ZNF233: variants seen among roughly 807,000 people sequenced by gnomAD.
ZNF233 encodes the protein zinc finger protein 233.
ZNF233 carries 7 observed loss-of-function variants against 11.6 expected under a neutral mutation model. The ratio of observed to expected loss-of-function variants is 0.60; its 90% CI spans 0.34 to 1.13. The LOEUF is 1.13. Among genes scored for constraint, ZNF233 ranks in the 50% most tolerant of loss-of-function variants. The pLI is 0.03. For synonymous variants in ZNF233, 226 were observed against 268.5 expected, an observed-to-expected ratio of 0.84 and a Z score of 1.55; for missense variants, 711 against 785.5, an observed-to-expected ratio of 0.91 and a Z score of 1.13.
Position 44,274,532 on chromosome 19 carries a change from G to T in ZNF233, c.1872G>T (p.Met624Ile), listed in dbSNP as rs780198618. Residue 624 changes from methionine (M) to isoleucine (I), a missense_variant, in exon 5 of 5, where the codon ATG (methionine) becomes ATT (isoleucine). Transcript: ENST00000683810. Reference sequence around the variant, plus strand: ...GAGAGAAACCCTATAAATGTGGCATGTGTGGTAAGAGCTTCAGTCAGACTT... The same window carrying T: ...GAGAGAAACCCTATAAATGTGGCATTTGTGGTAAGAGCTTCAGTCAGACTT... Reference protein sequence around the residue: ...HTGEKPYKCGMCGKSFSQTSH... With the variant: ...HTGEKPYKCGICGKSFSQTSH... The T allele has an allele frequency of 6.2e-7, 1 of 1,613,550 alleles. No homozygotes were observed. The highest frequency in any genetic ancestry group is 1.1e-5 in the South Asian group (1 of 90,964).
At position 44,264,313 on chromosome 19, in the gene ZNF233, G is replaced by C; in HGVS notation, c.-47-1G>C. 1 of 1,605,262 alleles carries C rather than the reference G, an allele frequency of 6.2e-7. No individual in the cohort carries two copies. Among genetic ancestry groups the C allele is most frequent in the Non-Finnish European group, 8.5e-7 (1 of 1,172,506 alleles). ...CTCATGGCTTCTTTCTCTTTTCCCA[G>C]TTCTGCCTTCCCAGGACCCTGCCCT... On this transcript the variant is annotated splice_acceptor_variant, in intron 1 of 4. Transcript: ENST00000683810. LOFTEE classifies it low-confidence loss of function (5UTR_SPLICE).
At position 44,266,188 on chromosome 19, in the gene ZNF233, G is replaced by C; in HGVS notation, c.16-10G>C. On this transcript the variant is annotated splice_polypyrimidine_tract_variant and intron_variant, in intron 2 of 4. Coordinates refer to ENST00000683810, the MANE Select transcript of ZNF233 (RefSeq NM_001207005.2). Reference sequence around the variant, plus strand: ...CATAAGATTGAGATTACATCTGCTTGATGTTGTAGGAGATGGTGACATTCA... The same window carrying C: ...CATAAGATTGAGATTACATCTGCTTCATGTTGTAGGAGATGGTGACATTCA... 6.2e-7 allele frequency: 1 copy of C among 1,604,596 alleles called. No individual in the cohort carries two copies. The highest frequency in any genetic ancestry group is 1.1e-5 in the South Asian group (1 of 90,274).
At chr19:44,265,366 T>TACAC (rs67044027) in intron 2 of ZNF233, among the ~76,000 whole-genome samples, 97 of 133,180 alleles carry the variant, frequency 7.3e-4, no homozygotes, top group Non-Finnish European at 9.8e-4. Flanking sequence ...CATATATATA[T>TACAC]ACACACACAC....
At chr19:44,260,612 G>A (rs1029842328) in intron 1 of ZNF233, among the ~76,000 whole-genome samples, 1 of 152,132 alleles carries the variant, frequency 6.6e-6, no homozygotes, top group African/African-American at 2.4e-5. Flanking sequence ...GATGTCCACT[G>A]TCATTCATCC....
At chr19:44,264,907 T>C (rs1245199561) in intron 2 of ZNF233, among the ~76,000 whole-genome samples, 1 of 152,222 alleles carries the variant, frequency 6.6e-6, no homozygotes, top group Non-Finnish European at 1.5e-5. Flanking sequence ...GTATTTCAAT[T>C]TGCAAGACTT....
chr19:44,274,337 T>G lies in ZNF233; in HGVS notation c.1677T>G (p.Thr559=). 1.2e-6 allele frequency: 2 copies of G among 1,613,394 alleles called. No individual in the cohort carries two copies. Among genetic ancestry groups the G allele is most frequent in the Non-Finnish European group, 1.7e-6 (2 of 1,179,844 alleles). Residue 559 remains threonine (T), a synonymous_variant, in exon 5 of 5, where the codon ACT becomes ACG. Transcript: ENST00000683810. The part of the protein sequence containing the change: ...SHLQDHQQVH[T]GENPYKCDVC... ...TCCAAGACCATCAGCAAGTCCATAC[T>G]GGAGAGAATCCCTACAAATGTGATG...
At chr19:44,266,172 G>A in intron 2 of ZNF233, 26 bp from the exon 3 acceptor site, 1 of 1,589,748 alleles carries the variant, frequency 6.3e-7, no homozygotes. Context: ...CCATAAGATT[G>A]AGATTACATC....
rs903855432 is a variant in ZNF233, at chr19:44,265,655, C to T, written c.16-543C>T. On this transcript the variant is annotated intron_variant, in intron 2 of 4. Coordinates refer to ENST00000683810, the MANE Select transcript of ZNF233 (RefSeq NM_001207005.2). ...CAGGCTGGTCTTGAACTCCTGACCT[C>T]GTGGTTCACCCACCTCGGCCTCCCA... is the stretch of plus-strand genomic sequence containing the variant. 5.9e-5 allele frequency among the ~76,000 whole-genome samples: 9 copies of T among 152,208 alleles called. 1 individual carries two copies. The East Asian group carries it at 1.2e-3, about 20-fold the overall frequency.
At chr19:44,265,356 CATAT>C (rs779403073) in intron 2 of ZNF233, among the ~76,000 whole-genome samples, 19,031 of 115,508 alleles carry the variant, frequency 0.16, 1,446 homozygotes, top group African/African-American at 0.24. Flanking sequence ...AGTATTCCAT[CATAT>C]ATATATACAC....
At position 44,273,545 on chromosome 19, in the gene ZNF233, AG is replaced by A; in HGVS notation, c.887del (p.Gly296ValfsTer14). Reference protein sequence around the residue: ...HVNVEYGKGIGYSSGLPRHQC... With the variant: ...HVNVEYGKGIXYSSGLPRHQC... ...TAAATGTTGAGTACGGGAAGGGCAT[AG>A]GTTACAGCTCAGGGCTTCCCAGGCA... On this transcript the variant is annotated frameshift_variant, in exon 5 of 5. Coordinates refer to ENST00000683810, the MANE Select transcript of ZNF233 (RefSeq NM_001207005.2). LOFTEE classifies it low-confidence loss of function (END_TRUNC). The A allele has an allele frequency of 6.2e-7, 1 of 1,614,224 alleles. No homozygotes were observed. The highest frequency in any genetic ancestry group is 8.5e-7 in the Non-Finnish European group (1 of 1,180,042).
chr19:44,263,347 G>A (rs1403245328), intron 1 of ZNF233, among the ~76,000 whole-genome samples: 1 of 152,042 alleles, frequency 6.6e-6, no homozygotes, highest in African/African-American at 2.4e-5. Context: ...TCAGCCCCTG[G>A]CAACTATTAC....
At chr19:44,265,394 C>T (rs1308286768) in intron 2 of ZNF233, among the ~76,000 whole-genome samples, 1 of 151,100 alleles carries the variant, frequency 6.6e-6, no homozygotes, top group South Asian at 2.1e-4. Context: ...CACACACACA[C>T]ACACACACAC....
chr19:44,268,182 A>G (rs1245150759), intron 4 of ZNF233: 1 of 141,250 alleles, frequency 7.1e-6, no homozygotes, highest in East Asian at 2.1e-4. Context: ...ATACATACAT[A>G]CATTTAATTA....
chr19:44,259,971 G>A (rs1370096350), intron 1 of ZNF233, 33 bp downstream of exon 1: 5 of 453,272 alleles, frequency 1.1e-5, no homozygotes, highest in African/African-American at 4.0e-5. Context: ...CATCTACGGC[G>A]AGCTTTCCTG....
At chr19:44,270,210 G>C (rs1459219364) in intron 4 of ZNF233, among the ~76,000 whole-genome samples, 1 of 151,986 alleles carries the variant, frequency 6.6e-6, no homozygotes, top group Non-Finnish European at 1.5e-5. Context: ...ACAAATTACT[G>C]TGAAACTTAG....
rs1975324879 is a variant in ZNF233, at chr19:44,274,147, A to G, written c.1487A>G (p.Gln496Arg). ...DKNFSRNSHL[Q>R]AHQRVHTGEK... ...AACTTCAGCCGTAATTCCCACCTTCAGGCCCATCAGAGAGTCCATACAGGA... is the reference window on the plus strand; with the variant it reads ...AACTTCAGCCGTAATTCCCACCTTCGGGCCCATCAGAGAGTCCATACAGGA... Residue 496 changes from glutamine to arginine, a missense_variant, in exon 5 of 5, where the codon CAG becomes CGG. Transcript: ENST00000683810. 6.2e-7 allele frequency: 1 copy of G among 1,614,134 alleles called. No individual in the cohort carries two copies. Among genetic ancestry groups the G allele is most frequent in the African/African-American group, 1.3e-5 (1 of 75,008 alleles).
chr19:44,261,063 A>G (rs910773771), intron 1 of ZNF233, among the ~76,000 whole-genome samples: 1 of 152,188 alleles, frequency 6.6e-6, no homozygotes, highest in Admixed American at 6.5e-5. Flanking sequence ...AACAGGAAAG[A>G]GCCTGAACTG....
intron 1 of ZNF233, chr19:44,260,195 G>T: frequency 4.5e-6 from 1 of 222,170 alleles, no homozygotes; most frequent in Non-Finnish European, 9.2e-6. Context: ...CTGTCTTCTG[G>T]CAATATAATC....
At chr19:44,268,083 G>A (rs1205985652) in intron 4 of ZNF233, 1 of 152,040 alleles carries the variant, frequency 6.6e-6, no homozygotes. Flanking sequence ...TAAAAAATTA[G>A]CTCACAGCTA....
Sources: gnomAD v4.1 joint callset for allele counts (sites outside exome capture counted in the v4.1 genomes callset) on GRCh38, gnomAD v4.1.1 for gene constraint, MANE v1.5 for transcripts, NCBI Gene and HGNC (gene_info 2026-07-23, HGNC 2026-07-21) for gene names.